Variants in DOCK5 observed in about 807,000 individuals in gnomAD.
DOCK5 encodes dedicator of cytokinesis 5.
DOCK5 carries 142 observed loss-of-function variants against 251.8 expected under a neutral mutation model. That is an observed-to-expected ratio of 0.56 (90% CI 0.49 to 0.65). The LOEUF is 0.65. DOCK5 is among the 30% of genes least tolerant of loss of function. The pLI, the probability that DOCK5 is intolerant of heterozygous loss-of-function variation, is 0.00. For synonymous variants in DOCK5, 842 were observed against 835.5 expected, an observed-to-expected ratio of 1.01 and a Z score of -0.13; for missense variants, 2,111 against 2,312.3, an observed-to-expected ratio of 0.91 and a Z score of 1.79.
intron 26 of DOCK5, among the ~76,000 whole-genome samples, chr8:25,346,379 C>T (rs1800367027): frequency 6.6e-6 from 1 of 152,176 alleles, no homozygotes; most frequent in Admixed American, 6.5e-5. Flanking sequence ...TCCTTCTTAT[C>T]CTCTGATGCC....
At chr8:25,323,785 G>A (rs902025676) in intron 16 of DOCK5, 63 bp from the exon 17 acceptor site, 10 of 1,551,898 alleles carry the variant, frequency 6.4e-6, no homozygotes, top group Non-Finnish European at 8.8e-6. Flanking sequence ...GTGAAATCGT[G>A]TCATAGCCAT....
intron 50 of DOCK5, among the ~76,000 whole-genome samples, chr8:25,409,257 G>A (rs1801575901): frequency 6.6e-6 from 1 of 152,206 alleles, no homozygotes. Context: ...AGGTAGACCT[G>A]AACAGGGACA....
intron 2 of DOCK5, among the ~76,000 whole-genome samples, chr8:25,256,754 G>A (rs1443821468): frequency 6.6e-6 from 1 of 151,612 alleles, no homozygotes; most frequent in African/African-American, 2.4e-5. Flanking sequence ...TCAGGCCTTA[G>A]ATAACCAATT....
intron 18 of DOCK5, among the ~76,000 whole-genome samples, chr8:25,328,786 C>G (rs1805620014): frequency 6.6e-6 from 1 of 152,046 alleles, no homozygotes; most frequent in African/African-American, 2.4e-5. Flanking sequence ...GATTTGTTTC[C>G]CAGGAAAAAG....
chr8:25,383,885 A>G (rs977517027), intron 40 of DOCK5, among the ~76,000 whole-genome samples: 6 of 152,222 alleles, frequency 3.9e-5, no homozygotes, highest in African/African-American at 9.7e-5. Flanking sequence ...ACTATAACCA[A>G]GAAAGATACC....
chr8:25,256,890 CTT>C (rs35214715), intron 2 of DOCK5, among the ~76,000 whole-genome samples: 2 of 142,920 alleles, frequency 1.4e-5, no homozygotes. Flanking sequence ...TTCTTCTTGA[CTT>C]TTTTTTTTTT....
chr8:25,339,878 G>A (rs1215431262), intron 22 of DOCK5, among the ~76,000 whole-genome samples: 1 of 152,176 alleles, frequency 6.6e-6, no homozygotes, highest in East Asian at 1.9e-4. Context: ...CATGGAAAAT[G>A]GATTATCGAA....
At chr8:25,311,695 G>T (rs1267290863) in intron 13 of DOCK5, among the ~76,000 whole-genome samples, 2 of 152,054 alleles carry the variant, frequency 1.3e-5, no homozygotes, top group East Asian at 3.9e-4. Flanking sequence ...GCTGAGGCAG[G>T]CAGATCACAT....
At position 25,210,080 on chromosome 8, in the gene DOCK5, TTATCTATCTATCTATCTATCTATCTATC is replaced by T. The variant is rs34206435; in HGVS notation, c.43+25158_43+25185del. 2.7e-4 allele frequency among the ~76,000 whole-genome samples: 7 copies of T among 26,306 alleles called. 3 individuals are homozygous for T. The highest frequency in any genetic ancestry group is 1.1e-3 in the Admixed American group (2 of 1,894). 17.3% of individuals were successfully genotyped at this position (26,306 alleles called of 152,430 possible). A position where few individuals can be genotyped will look rare whatever the true frequency, so the allele number is the denominator to read the frequency against. On this transcript the variant is annotated intron_variant, in intron 1 of 51. Transcript: ENST00000276440. ...TGTGTGTGTGTGTGTATCTGTCTATTTATCTATCTATCTATCTATCTATCTATCTATCTATCTATCTATCTATCTATCT... is the reference window on the plus strand; with the variant it reads ...TGTGTGTGTGTGTGTATCTGTCTATTTATCTATCTATCTATCTATCTATCT...
At chr8:25,240,882 C>T (rs1395252532) in intron 1 of DOCK5, among the ~76,000 whole-genome samples, 2 of 152,138 alleles carry the variant, frequency 1.3e-5, no homozygotes, top group East Asian at 1.9e-4. Flanking sequence ...TGTGCTCCCT[C>T]CGGAGGCCCT....
chr8:25,272,689 A>G (rs1208594759), intron 3 of DOCK5, among the ~76,000 whole-genome samples: 1 of 152,028 alleles, frequency 6.6e-6, no homozygotes, highest in Non-Finnish European at 1.5e-5. Flanking sequence ...GACTTTTTTT[A>G]TTGTGGTAAA....
intron 17 of DOCK5, 57 bp from the exon 18 acceptor site, chr8:25,325,307 A>ATTTGCATATATAT: frequency 1.3e-6 from 2 of 1,560,556 alleles, no homozygotes; most frequent in Non-Finnish European, 1.7e-6. Context: ...AATTGTTTTT[A>ATTTGCATATATAT]TTTGCATATA....
chr8:25,386,064 G>A (rs188930993), intron 40 of DOCK5, among the ~76,000 whole-genome samples: 4 of 152,278 alleles, frequency 2.6e-5, no homozygotes, highest in Admixed American at 2.6e-4. Context: ...AGATAGCAGA[G>A]GGCCTCCCAG....
At chr8:25,310,076 A>T (rs186637011) in intron 12 of DOCK5, among the ~76,000 whole-genome samples, 1 of 152,158 alleles carries the variant, frequency 6.6e-6, no homozygotes, top group East Asian at 1.9e-4. Flanking sequence ...GCTATATACT[A>T]TAGTGTTTCA....
At chr8:25,207,015 C>A (rs1453846708) in intron 1 of DOCK5, among the ~76,000 whole-genome samples, 1 of 152,178 alleles carries the variant, frequency 6.6e-6, no homozygotes, top group Non-Finnish European at 1.5e-5. Context: ...TAAAACATCC[C>A]TTTTCTGAGG....
chr8:25,317,685 A>G (rs529201958), intron 14 of DOCK5, among the ~76,000 whole-genome samples: 1 of 152,100 alleles, frequency 6.6e-6, no homozygotes, highest in East Asian at 1.9e-4. Flanking sequence ...ATCTCCACTC[A>G]CTGCAAGCTC....
At chr8:25,215,366 G>A (rs1802217233) in intron 1 of DOCK5, among the ~76,000 whole-genome samples, 3 of 152,086 alleles carry the variant, frequency 2.0e-5, no homozygotes, top group Admixed American at 2.0e-4. Context: ...TTTCTCCTCT[G>A]TCCTGGATCT....
chr8:25,395,938 G>A, intron 45 of DOCK5: 5 of 651,832 alleles, frequency 7.7e-6, no homozygotes, highest in Admixed American at 5.0e-5. Flanking sequence ...AAGCGTCACA[G>A]AAAAAAAACC....
intron 5 of DOCK5, among the ~76,000 whole-genome samples, chr8:25,290,554 A>G (rs1161564060): frequency 1.3e-5 from 2 of 152,224 alleles, no homozygotes; most frequent in African/African-American, 2.4e-5. Flanking sequence ...TAACAGTTTA[A>G]TATGTGGATG....
Sources: gnomAD v4.1 joint callset for allele counts (sites outside exome capture counted in the v4.1 genomes callset) on GRCh38, gnomAD v4.1.1 for gene constraint, MANE v1.5 for transcripts, NCBI Gene and HGNC (gene_info 2026-07-23, HGNC 2026-07-21) for gene names.